The following HYCC1 variants were observed in gnomAD, a reference collection of about 807,000 sequenced individuals.
The protein encoded by HYCC1 is hyccin PI4KA lipid kinase complex subunit 1.
the HYCC1 span, among the ~76,000 whole-genome samples, chr7:22,916,150 T>C: frequency 6.6e-6 from 1 of 152,188 alleles, no homozygotes; most frequent in African/African-American, 2.4e-5. Flanking sequence ...GCTCGCCTGT[T>C]ACAGCATGGC....
At chr7:22,978,529 C>T in the HYCC1 span, 1 of 1,171,770 alleles carries the variant, frequency 8.5e-7, no homozygotes, top group African/African-American at 1.5e-5. Flanking sequence ...AAGGTTTTCT[C>T]AGATTGGTAA....
the HYCC1 span, chr7:22,945,657 G>A: frequency 6.2e-7 from 1 of 1,613,808 alleles, no homozygotes; most frequent in Non-Finnish European, 8.5e-7. Context: ...TTCATTGGAA[G>A]TTCAGTTCTT....
At chr7:22,944,425 G>A in the HYCC1 span, 2 of 152,062 alleles carry the variant, frequency 1.3e-5, no homozygotes, top group African/African-American at 4.8e-5. Flanking sequence ...TAGTTGGGAG[G>A]TAACTAAATT....
the HYCC1 span, among the ~76,000 whole-genome samples, chr7:23,012,884 T>A: frequency 6.6e-6 from 1 of 152,108 alleles, no homozygotes; most frequent in African/African-American, 2.4e-5. Context: ...AAAACTACTG[T>A]GTGATCCAAG....
chr7:22,982,024 A>T, the HYCC1 span, among the ~76,000 whole-genome samples: 1 of 152,196 alleles, frequency 6.6e-6, no homozygotes, highest in South Asian at 2.1e-4. Flanking sequence ...ACACTTTCCA[A>T]AGTAGCCTAG....
chr7:22,989,103 A>G, the HYCC1 span, among the ~76,000 whole-genome samples: 1 of 151,960 alleles, frequency 6.6e-6, no homozygotes. Context: ...TCTTTCCACA[A>G]CTCCCATCTT....
chr7:22,964,558 C>G, the HYCC1 span: 1 of 1,318,968 alleles, frequency 7.6e-7, no homozygotes, highest in Non-Finnish European at 1.1e-6. Flanking sequence ...AAATGTATTT[C>G]TAAAATTGGT....
the HYCC1 span, among the ~76,000 whole-genome samples, chr7:22,974,765 C>G: frequency 4.6e-5 from 7 of 152,214 alleles, no homozygotes; most frequent in Non-Finnish European, 8.8e-5. Context: ...TCATCTTCAA[C>G]TGTAGCTCCC....
At chr7:22,934,621 T>A in the HYCC1 span, 1 of 152,208 alleles carries the variant, frequency 6.6e-6, no homozygotes, top group Non-Finnish European at 1.5e-5. Context: ...TACTCATGGC[T>A]ATGATTTATT....
chr7:22,965,515 T>C, the HYCC1 span, among the ~76,000 whole-genome samples: 1 of 148,202 alleles, frequency 6.7e-6, no homozygotes, highest in African/African-American at 2.5e-5. Flanking sequence ...TGTATACCTA[T>C]GTGACAAACC....
the HYCC1 span, among the ~76,000 whole-genome samples, chr7:22,973,209 T>A: frequency 5.3e-5 from 8 of 152,222 alleles, no homozygotes; most frequent in Non-Finnish European, 1.0e-4. Flanking sequence ...TTAACTGGTA[T>A]AACCATTTCT....
At chr7:22,977,254 A>C in the HYCC1 span, 2 of 852,324 alleles carry the variant, frequency 2.3e-6, no homozygotes, top group Non-Finnish European at 4.1e-6. Context: ...TAAATTGATC[A>C]ATTTTTTTCC....
the HYCC1 span, chr7:22,937,446 T>G: frequency 6.6e-6 from 1 of 152,210 alleles, no homozygotes; most frequent in South Asian, 2.1e-4. Flanking sequence ...CAGAAAATTC[T>G]TCACACCATT....
At chr7:22,937,659 C>T in the HYCC1 span, 1 of 152,068 alleles carries the variant, frequency 6.6e-6, no homozygotes, top group African/African-American at 2.4e-5. Flanking sequence ...CACTGATTTC[C>T]TGGATTCGAT....
At chr7:22,977,821 T>C in the HYCC1 span, among the ~76,000 whole-genome samples, 4 of 152,196 alleles carry the variant, frequency 2.6e-5, no homozygotes, top group Non-Finnish European at 5.9e-5. Context: ...AATTAACATA[T>C]AAACTCTATT....
chr7:22,917,312 A>C, the HYCC1 span, among the ~76,000 whole-genome samples: 26 of 152,318 alleles, frequency 1.7e-4, no homozygotes, highest in Admixed American at 5.9e-4. Context: ...AACCTCTTCC[A>C]TGCAGGTTAC....
At chr7:22,914,878 G>T in the HYCC1 span, among the ~76,000 whole-genome samples, 1 of 152,108 alleles carries the variant, frequency 6.6e-6, no homozygotes, top group African/African-American at 2.4e-5. Context: ...CCTTATACCT[G>T]GTCCAGATTA....
the HYCC1 span, chr7:22,984,008 T>C: frequency 6.2e-7 from 1 of 1,608,552 alleles, no homozygotes; most frequent in Non-Finnish European, 8.5e-7. Context: ...GTCTTTCAAA[T>C]TTGTGGCATA....
the HYCC1 span, among the ~76,000 whole-genome samples, chr7:23,012,411 C>G: frequency 6.6e-6 from 1 of 152,116 alleles, no homozygotes; most frequent in Non-Finnish European, 1.5e-5. Flanking sequence ...CTGCTAATGC[C>G]GATGACTAAG....
Sources: gnomAD v4.1 joint callset for allele counts (sites outside exome capture counted in the v4.1 genomes callset) on GRCh38, gnomAD v4.1.1 for gene constraint, MANE v1.5 for transcripts, NCBI Gene and HGNC (gene_info 2026-07-23, HGNC 2026-07-21) for gene names.